The following VEPH1 variants were observed in gnomAD, a reference collection of about 807,000 sequenced individuals.
VEPH1 encodes ventricular zone expressed PH domain containing 1, also known as ventricular zone-expressed PH domain-containing protein homolog 1.
Under a neutral mutation model 85.2 loss-of-function variants are expected in VEPH1, and 80 were observed. The ratio of observed to expected loss-of-function variants is 0.94; its 90% CI spans 0.78 to 1.13. The LOEUF is 1.13. Among genes scored for constraint, VEPH1 ranks in the 50% most tolerant of loss-of-function variants. The pLI, the probability that VEPH1 is intolerant of heterozygous loss-of-function variation, is 0.00. For synonymous variants in VEPH1, 297 were observed against 348.0 expected (o/e 0.85, Z 1.63); for missense variants, 955 against 980.5 (o/e 0.97, Z 0.35).
At chr3:157,495,131 T>C in intron 2 of VEPH1, 81 bp downstream of exon 2, 1 of 1,400,666 alleles carries the variant, frequency 7.1e-7, no homozygotes, top group East Asian at 2.3e-5. Flanking sequence ...CCTGCAAAGA[T>C]CTTTCTGCCA....
chr3:157,410,254 C>A (rs534296128), intron 6 of VEPH1, among the ~76,000 whole-genome samples: 44 of 152,260 alleles, frequency 2.9e-4, no homozygotes, highest in African/African-American at 9.6e-4. Context: ...CAAGCACCCC[C>A]AAAATCCCCA....
intron 7 of VEPH1, among the ~76,000 whole-genome samples, chr3:157,367,841 A>G (rs149526915): frequency 2.0e-5 from 3 of 152,152 alleles, no homozygotes; most frequent in Non-Finnish European, 4.4e-5. Context: ...AAACATATGA[A>G]TTGTTAGAGG....
intron 1 of VEPH1, among the ~76,000 whole-genome samples, chr3:157,496,770 C>T (rs890955342): frequency 6.6e-6 from 1 of 152,076 alleles, no homozygotes; most frequent in Non-Finnish European, 1.5e-5. Context: ...AAATACAAGC[C>T]AAAGCTTTCA....
intron 2 of VEPH1, among the ~76,000 whole-genome samples, chr3:157,473,223 C>A (rs1737141003): frequency 6.6e-6 from 1 of 151,712 alleles, no homozygotes; most frequent in African/African-American, 2.4e-5. Flanking sequence ...TAGGAGCATG[C>A]CACCACGCCC....
rs1426781565 is a variant in VEPH1, at chr3:157,265,541, A to C, written c.2250T>G (p.Phe750Leu). The C allele has an allele frequency of 6.2e-7, 1 of 1,612,504 alleles. No homozygotes were observed. The highest frequency in any genetic ancestry group is 1.1e-5 in the South Asian group (1 of 90,826). The change falls in exon 13 of 14, where the codon TTT becomes TTG. Residue 750 changes from phenylalanine to leucine, a missense_variant. By Grantham distance (22) the Phe-to-Leu change is conservative. Transcript: ENST00000362010. ...YFTLAGNQLL[F>L]QKGKSKDDPD... Reference sequence around the variant, plus strand: ...AGGAACTTACAGACTTTCCTTTTTGAAACAGAAGTTGATTTCCAGCCAGTG... The same window carrying C: ...AGGAACTTACAGACTTTCCTTTTTGCAACAGAAGTTGATTTCCAGCCAGTG...
At chr3:157,484,967 G>T (rs991746042) in intron 2 of VEPH1, among the ~76,000 whole-genome samples, 13 of 152,026 alleles carry the variant, frequency 8.6e-5, no homozygotes, top group African/African-American at 3.1e-4. Flanking sequence ...GCCCTCAATT[G>T]TATTACTTAT....
Position 157,364,352 on chromosome 3 carries a change from T to G in VEPH1, c.1288A>C (p.Ser430Arg). ...TCTTCTTTAGAAACTTGGCCCAGAC[T>G]ATATCTTCTGATAGAGCCAGGGGTA... ...SNTPGSIRRY[S>R]LGQVSKEERK... Residue 430 changes from serine (S) to arginine (R), a missense_variant, in exon 8 of 14, where the codon AGT becomes CGT. By Grantham distance (110) the Ser-to-Arg change is moderately radical. Coordinates refer to ENST00000362010, the MANE Select transcript of VEPH1 (RefSeq NM_001167912.2). 1 of 1,613,968 alleles carries G rather than the reference T, an allele frequency of 6.2e-7. No homozygotes were observed.
intron 4 of VEPH1, among the ~76,000 whole-genome samples, chr3:157,439,000 TA>T (rs1733903226): frequency 6.6e-6 from 1 of 152,222 alleles, no homozygotes; most frequent in Non-Finnish European, 1.5e-5. Context: ...GAATTTTATG[TA>T]ATGAGAGCAT....
At position 157,334,738 on chromosome 3, in the gene VEPH1, G is replaced by T. The variant is rs145061826; in HGVS notation, c.1736-17537C>A. Reference sequence around the variant, plus strand: ...AATGAGAAGTACTGGGAATCACGGGGGTGTAGAAAGTAAGAAATAGGCTAG... The same window carrying T: ...AATGAGAAGTACTGGGAATCACGGGTGTGTAGAAAGTAAGAAATAGGCTAG... On this transcript the variant is annotated intron_variant, in intron 9 of 13. Coordinates refer to ENST00000362010, the MANE Select transcript of VEPH1 (RefSeq NM_001167912.2). 8.9e-4 allele frequency among the ~76,000 whole-genome samples: 135 copies of T among 152,262 alleles called. 1 individual carries two copies. The East Asian group carries it at 0.025, about 28-fold the overall frequency.
At chr3:157,430,691 C>T (rs1577637385) in intron 4 of VEPH1, among the ~76,000 whole-genome samples, 1 of 152,180 alleles carries the variant, frequency 6.6e-6, no homozygotes, top group African/African-American at 2.4e-5. Flanking sequence ...TCTCAGGTGA[C>T]ACTGATGGTC....
intron 6 of VEPH1, among the ~76,000 whole-genome samples, chr3:157,382,739 C>T (rs1461532586): frequency 6.6e-6 from 1 of 152,142 alleles, no homozygotes; most frequent in Non-Finnish European, 1.5e-5. Context: ...CCTTAATTTC[C>T]TTCAAGGTGC....
chr3:157,486,787 C>T lies in VEPH1; in HGVS notation c.138+8425G>A, dbSNP rs1401871425. Among the ~76,000 whole-genome samples, 5 of 152,224 alleles carry T rather than the reference C, an allele frequency of 3.3e-5. No individual in the cohort carries two copies. The South Asian group carries it at 6.2e-4, about 19-fold the overall frequency. ...CACAGATTAGCCATAAACTCTGTAA[C>T]AAAGCAAGTCTCAACTACTTCGAAA... On this transcript the variant is annotated intron_variant, in intron 2 of 13. Coordinates refer to ENST00000362010, the MANE Select transcript of VEPH1 (RefSeq NM_001167912.2).
rs1220480643 is a variant in VEPH1, at chr3:157,463,213, A to T, written c.355-2858T>A. Among the ~76,000 whole-genome samples the T allele has an allele frequency of 2.0e-5, 3 of 152,184 alleles. No homozygotes were observed. In the East Asian group the frequency reaches 5.8e-4, roughly 29 times the overall value. On this transcript the variant is annotated intron_variant, in intron 3 of 13. Coordinates refer to ENST00000362010, the MANE Select transcript of VEPH1 (RefSeq NM_001167912.2). ...CTAGAAACAAAAACAGAACTGATAA[A>T]TCTTTAATCCATTCCTGCAGTTCCA...
At chr3:157,363,265 G>T in intron 9 of VEPH1, 99 bp downstream of exon 9, 6 of 1,145,110 alleles carry the variant, frequency 5.2e-6, no homozygotes, top group South Asian at 2.3e-5. Context: ...TTTTGCAAAA[G>T]ATCCAGAAAA....
rs1730914915 is a variant in VEPH1 at position 157,403,405 on chromosome 3, A to G, written c.906+10476T>C. On this transcript the variant is annotated intron_variant, in intron 6 of 13. Transcript: ENST00000362010. ...TGAGGAATTCTAAGAATATTACACAAAAGTGTCAATGCATCACAATTTTTG... is the reference window on the plus strand; with the variant it reads ...TGAGGAATTCTAAGAATATTACACAGAAGTGTCAATGCATCACAATTTTTG... Among the ~76,000 whole-genome samples, 6 of 152,300 alleles carry G rather than the reference A, an allele frequency of 3.9e-5. No homozygotes were observed. In the South Asian group the frequency reaches 1.2e-3, roughly 32 times the overall value.
intron 5 of VEPH1, among the ~76,000 whole-genome samples, chr3:157,423,745 A>G (rs770863464): frequency 6.6e-6 from 1 of 152,234 alleles, no homozygotes; most frequent in Non-Finnish European, 1.5e-5. Flanking sequence ...ATTGAGCACT[A>G]TCAGATACTA....
At chr3:157,385,858 CT>C (rs1729233707) in intron 6 of VEPH1, among the ~76,000 whole-genome samples, 1 of 152,156 alleles carries the variant, frequency 6.6e-6, no homozygotes, top group Admixed American at 6.5e-5. Context: ...TTGATTAAAT[CT>C]TTTACCTATG....
intron 4 of VEPH1, among the ~76,000 whole-genome samples, chr3:157,455,901 T>A (rs1459704728): frequency 6.6e-6 from 1 of 152,214 alleles, no homozygotes; most frequent in Non-Finnish European, 1.5e-5. Context: ...TGTGCATGTG[T>A]CTTTATGATG....
At chr3:157,447,711 C>T (rs1734657963) in intron 4 of VEPH1, among the ~76,000 whole-genome samples, 1 of 151,644 alleles carries the variant, frequency 6.6e-6, no homozygotes, top group South Asian at 2.1e-4. Context: ...TCTTCTGCCT[C>T]AGCCTCCTGA....
Sources: allele counts gnomAD v4.1 joint callset (sites outside exome capture counted in the v4.1 genomes callset), GRCh38; gene constraint gnomAD v4.1.1; transcripts MANE v1.5; gene names NCBI Gene and HGNC (gene_info 2026-07-23, HGNC 2026-07-21).